The following TRAF3 variants were observed in gnomAD, a reference collection of about 807,000 sequenced individuals.
TRAF3 encodes the protein TNF receptor-associated factor 3.
In TRAF3, 13 loss-of-function variants were observed where a neutral mutation model predicts 62.3. The ratio of observed to expected loss-of-function variants is 0.21; its 90% CI spans 0.14 to 0.33. TRAF3 has a LOEUF of 0.33. Among genes scored for constraint, TRAF3 ranks in the 10% least tolerant of loss-of-function variants. The pLI is 1.00. For synonymous variants in TRAF3, 269 were observed against 283.4 expected (o/e 0.95, Z 0.51); for missense variants, 440 against 741.8 (o/e 0.59, Z 4.73).
chr14:102,828,473 C>T (rs527389334), intron 1 of TRAF3, among the ~76,000 whole-genome samples: 22 of 152,304 alleles, frequency 1.4e-4, no homozygotes, highest in African/African-American at 5.1e-4. Flanking sequence ...GCATGTCCTG[C>T]AGCAGCTCTG....
At chr14:102,788,217 G>C (rs1308632484) in intron 1 of TRAF3, among the ~76,000 whole-genome samples, 1 of 152,048 alleles carries the variant, frequency 6.6e-6, no homozygotes, top group Non-Finnish European at 1.5e-5. Context: ...CATATGGTAG[G>C]TTCTCAAGTA....
intron 1 of TRAF3, among the ~76,000 whole-genome samples, chr14:102,801,361 C>T (rs1295850102): frequency 6.6e-6 from 1 of 152,062 alleles, no homozygotes; most frequent in African/African-American, 2.4e-5. Flanking sequence ...TACAATATTT[C>T]CTTTCTAAAA....
chr14:102,839,959 C>T (rs574990627), intron 2 of TRAF3, among the ~76,000 whole-genome samples: 2 of 152,180 alleles, frequency 1.3e-5, no homozygotes, highest in East Asian at 1.9e-4. Context: ...TTGGCAGTTC[C>T]GACAAACTCT....
intron 1 of TRAF3, among the ~76,000 whole-genome samples, chr14:102,785,345 C>T (rs943829429): frequency 2.6e-5 from 4 of 152,182 alleles, no homozygotes; most frequent in Non-Finnish European, 5.9e-5. Context: ...AGGTTCTTTA[C>T]GCAGTGGCTC....
intron 1 of TRAF3, among the ~76,000 whole-genome samples, chr14:102,818,709 T>C (rs1167171721): frequency 1.3e-5 from 2 of 152,198 alleles, no homozygotes; most frequent in Non-Finnish European, 2.9e-5. Flanking sequence ...AATAAGACCA[T>C]GTGGTATCCG....
In TRAF3 at chr14:102,842,295, A is replaced by G. The variant is rs531655900; in HGVS notation, c.-18+11823A>G. 3.3e-3 allele frequency among the ~76,000 whole-genome samples: 484 copies of G among 147,924 alleles called. 6 individuals are homozygous for G. The highest frequency in any genetic ancestry group is 0.012 in the African/African-American group (471 of 40,812). On this transcript the variant is annotated intron_variant, in intron 2 of 11. Transcript: ENST00000392745. ...ATATATTTTATTTATATAATAAAAT[A>G]TATAATAAAATAAATTTATATATAG... is the stretch of plus-strand genomic sequence containing the variant.
intron 10 of TRAF3, among the ~76,000 whole-genome samples, chr14:102,900,769 C>T (rs1890255928): frequency 6.6e-6 from 1 of 152,250 alleles, no homozygotes; most frequent in African/African-American, 2.4e-5. Flanking sequence ...GCAGCCCTGG[C>T]ATGCAAGTGT....
intron 1 of TRAF3, among the ~76,000 whole-genome samples, chr14:102,813,706 C>T (rs1400512543): frequency 2.0e-5 from 3 of 152,140 alleles, no homozygotes; most frequent in African/African-American, 7.2e-5. Context: ...CCGCCTCGGC[C>T]TCCCAAAGTG....
chr14:102,778,597 C>CTGTG (rs3830958), intron 1 of TRAF3, among the ~76,000 whole-genome samples: 69,307 of 151,302 alleles, frequency 0.46, 17,660 homozygotes, highest in Non-Finnish European at 0.58. Flanking sequence ...GTGTGTGTGC[C>CTGTG]TGTGTGTGTG....
chr14:102,849,842 C>G (rs1444720724), intron 2 of TRAF3, among the ~76,000 whole-genome samples: 2 of 152,228 alleles, frequency 1.3e-5, no homozygotes, highest in Non-Finnish European at 2.9e-5. Flanking sequence ...CCTGTCTGTT[C>G]GTGATCTTTG....
chr14:102,899,587 T>G (rs763042768), intron 10 of TRAF3, among the ~76,000 whole-genome samples: 10 of 152,200 alleles, frequency 6.6e-5, no homozygotes, highest in Non-Finnish European at 1.3e-4. Flanking sequence ...TTTCTCCTGC[T>G]TCCCTTCCTG....
At position 102,889,615 on chromosome 14, in the gene TRAF3, G is replaced by A. The variant is rs779644747; in HGVS notation, c.707G>A (p.Arg236His). 5 of 1,614,176 alleles carry A rather than the reference G, an allele frequency of 3.1e-6. No homozygotes were observed. Among genetic ancestry groups the A allele is most frequent in the Admixed American group, 1.7e-5 (1 of 60,020 alleles). ...VNAPSTCSFKRYGCVFQGTNQ... is the reference protein window; with the variant it reads ...VNAPSTCSFKHYGCVFQGTNQ... Reference sequence around the variant, plus strand: ...GCCCCCAGCACCTGTAGTTTTAAGCGCTATGGCTGCGTTTTTCAGGTCAGT... The same window carrying A: ...GCCCCCAGCACCTGTAGTTTTAAGCACTATGGCTGCGTTTTTCAGGTCAGT... Residue 236 changes from arginine to histidine, a missense_variant, in exon 8 of 12, where the codon CGC becomes CAC. Around this residue, in one of 6 missense-constraint regions of TRAF3, gnomAD observed 255 missense variants for 424.1 expected, o/e 0.60. Coordinates refer to ENST00000392745, the MANE Select transcript of TRAF3 (RefSeq NM_145725.3).
At chr14:102,882,778 C>T (rs1388486728) in intron 6 of TRAF3, among the ~76,000 whole-genome samples, 6 of 152,106 alleles carry the variant, frequency 3.9e-5, no homozygotes, top group Admixed American at 2.0e-4. Context: ...CATTGCAGTT[C>T]ATATAAGGAT....
intron 2 of TRAF3, among the ~76,000 whole-genome samples, chr14:102,832,156 TA>T: frequency 6.6e-6 from 1 of 152,328 alleles, no homozygotes; most frequent in African/African-American, 2.4e-5. Flanking sequence ...TTTTGAAGTA[TA>T]TATATTATGG....
At chr14:102,813,698 G>A (rs888010248) in intron 1 of TRAF3, among the ~76,000 whole-genome samples, 4 of 151,874 alleles carry the variant, frequency 2.6e-5, no homozygotes, top group African/African-American at 9.7e-5. Context: ...TGATCCACCC[G>A]CCTCGGCCTC....
chr14:102,866,657 AAC>A (rs1358879365), intron 2 of TRAF3, among the ~76,000 whole-genome samples: 4 of 152,012 alleles, frequency 2.6e-5, no homozygotes, highest in Non-Finnish European at 4.4e-5. Context: ...CAGACTGGGG[AAC>A]ATAGCGAGAC....
At chr14:102,891,251 G>C in intron 8 of TRAF3, 74 bp from the exon 9 acceptor site, 1 of 1,360,430 alleles carries the variant, frequency 7.4e-7, no homozygotes, top group Admixed American at 1.9e-5. Context: ...CTGCTTTTAG[G>C]GTCGTATGTT....
intron 10 of TRAF3, among the ~76,000 whole-genome samples, chr14:102,898,658 T>C (rs2139980292): frequency 6.6e-6 from 1 of 152,350 alleles, no homozygotes; most frequent in Non-Finnish European, 1.5e-5. Context: ...AAGTACTGGA[T>C]TCATTTACAA....
At chr14:102,867,616 G>C (rs1888080321) in intron 2 of TRAF3, among the ~76,000 whole-genome samples, 1 of 152,078 alleles carries the variant, frequency 6.6e-6, no homozygotes, top group Admixed American at 6.5e-5. Flanking sequence ...AGCTTCTGAG[G>C]CACAATAGGC....
Sources: allele counts gnomAD v4.1 joint callset (sites outside exome capture counted in the v4.1 genomes callset), GRCh38; gene constraint gnomAD v4.1.1; regional missense constraint gnomAD v4.1.1; transcripts MANE v1.5; gene names NCBI Gene and HGNC (gene_info 2026-07-23, HGNC 2026-07-21).